The following EVI5 variants were observed in gnomAD, a reference collection of about 807,000 sequenced individuals.
The protein encoded by EVI5 is ecotropic viral integration site 5 protein homolog.
In EVI5, 73 loss-of-function variants were observed where a neutral mutation model predicts 112.0. The ratio of observed to expected loss-of-function variants is 0.65; its 90% CI spans 0.54 to 0.79. The LOEUF is 0.79. EVI5 is among the 30% of genes least tolerant of loss of function. EVI5 has a pLI of 0.00. For missense variants in EVI5, 900 were observed against 968.8 expected (o/e 0.93, Z 0.94); for synonymous variants, 305 against 319.9 (o/e 0.95, Z 0.50).
chr1:92,772,837 T>C (rs573633324), intron 1 of EVI5, among the ~76,000 whole-genome samples: 73 of 113,076 alleles, frequency 6.5e-4, no homozygotes, highest in African/African-American at 2.4e-3. Flanking sequence ...ACCTGGGAGG[T>C]GGAGGTTGTA....
At chr1:92,733,553 G>A (rs1002312916) in intron 2 of EVI5, among the ~76,000 whole-genome samples, 2 of 151,310 alleles carry the variant, frequency 1.3e-5, no homozygotes, top group South Asian at 2.1e-4. Flanking sequence ...CTACAGGCAC[G>A]CGCCACCACA....
At chr1:92,768,045 A>G (rs4847336) in intron 1 of EVI5, among the ~76,000 whole-genome samples, 85,080 of 149,028 alleles carry the variant, frequency 0.57, 25,995 homozygotes, top group East Asian at 0.92. Context: ...ACACCACTGC[A>G]CTCCAACCTG....
chr1:92,539,504 C>T (rs191097944), intron 19 of EVI5, among the ~76,000 whole-genome samples: 8 of 146,080 alleles, frequency 5.5e-5, no homozygotes, highest in Admixed American at 2.1e-4. Context: ...GATCATGCCA[C>T]TGTGCTGCAG....
At chr1:92,596,817 G>A (rs1648012250) in intron 18 of EVI5, among the ~76,000 whole-genome samples, 1 of 152,100 alleles carries the variant, frequency 6.6e-6, no homozygotes, top group Admixed American at 6.5e-5. Flanking sequence ...TATATATTCA[G>A]TATCTGAGGT....
intron 18 of EVI5, among the ~76,000 whole-genome samples, chr1:92,581,305 G>A (rs1671896997): frequency 6.6e-6 from 1 of 152,182 alleles, no homozygotes. Context: ...ACCTAGTTGG[G>A]GGAATATATC....
intron 2 of EVI5, among the ~76,000 whole-genome samples, chr1:92,708,463 TAACA>T (rs1355852988): frequency 1.3e-5 from 2 of 152,020 alleles, no homozygotes; most frequent in Non-Finnish European, 2.9e-5. Flanking sequence ...AGATGACAAA[TAACA>T]AACAGTTAAG....
chr1:92,539,268 C>T (rs1449477613), intron 19 of EVI5, among the ~76,000 whole-genome samples: 2 of 152,136 alleles, frequency 1.3e-5, no homozygotes, highest in African/African-American at 4.8e-5. Context: ...CCCGGCCGGG[C>T]GCAGTGGCTC....
chr1:92,613,441 G>T (rs1332940077), intron 16 of EVI5, among the ~76,000 whole-genome samples: 3 of 152,118 alleles, frequency 2.0e-5, no homozygotes, highest in African/African-American at 7.2e-5. Flanking sequence ...TGTGATTACA[G>T]GCATACAGCA....
chr1:92,584,382 T>C (rs1031143027), intron 18 of EVI5, among the ~76,000 whole-genome samples: 1 of 152,158 alleles, frequency 6.6e-6, no homozygotes, highest in Non-Finnish European at 1.5e-5. Flanking sequence ...AACGCACATA[T>C]GAAGCAAAAT....
intron 18 of EVI5, among the ~76,000 whole-genome samples, chr1:92,590,849 AG>A (rs1389379993): frequency 1.3e-5 from 2 of 152,248 alleles, no homozygotes; most frequent in African/African-American, 4.8e-5. Context: ...AAAAATGTTA[AG>A]GGCAGCCAGA....
intron 8 of EVI5, 130 bp downstream of exon 8, chr1:92,694,169 G>GT (rs1336992462): frequency 1.6e-5 from 10 of 629,586 alleles, no homozygotes; most frequent in African/African-American, 1.3e-4. Flanking sequence ...GGCTGAAGCG[G>GT]TAGGAGGATC....
At chr1:92,598,517 A>T (rs1213233788) in intron 18 of EVI5, among the ~76,000 whole-genome samples, 1 of 152,210 alleles carries the variant, frequency 6.6e-6, no homozygotes. Flanking sequence ...CCAAAGAGAA[A>T]GTCATGGAGG....
At chr1:92,723,584 C>T (rs148422494) in intron 2 of EVI5, among the ~76,000 whole-genome samples, 216 of 152,214 alleles carry the variant, frequency 1.4e-3, no homozygotes, top group African/African-American at 4.9e-3. Context: ...CTGTTATCTT[C>T]GTAAACTGAG....
chr1:92,591,472 A>G (rs927808346), intron 18 of EVI5, among the ~76,000 whole-genome samples: 1 of 152,216 alleles, frequency 6.6e-6, no homozygotes, highest in African/African-American at 2.4e-5. Context: ...CTAGTTTCCA[A>G]TAAAACAGAC....
At chr1:92,562,978 C>T (rs2100897029) in intron 19 of EVI5, among the ~76,000 whole-genome samples, 1 of 152,044 alleles carries the variant, frequency 6.6e-6, no homozygotes, top group South Asian at 2.1e-4. Context: ...AGTGTTTAGC[C>T]AAATATTATC....
chr1:92,663,405 A>G lies in EVI5; in HGVS notation c.1245+15T>C, dbSNP rs1264068969. 1 of 1,378,324 alleles carries G rather than the reference A, an allele frequency of 7.3e-7. No homozygotes were observed. The highest frequency in any genetic ancestry group is 1.5e-5 in the South Asian group (1 of 67,972). 85.4% of individuals were successfully genotyped at this position (1,378,324 alleles called of 1,614,324 possible). A position where few individuals can be genotyped will look rare whatever the true frequency, so the allele number is the denominator to read the frequency against. On this transcript the variant is annotated intron_variant, in intron 12 of 19. Coordinates refer to ENST00000684568, the MANE Select transcript of EVI5 (RefSeq NM_001350197.2). ...GAAGATGTTTTAAAAAACTAAAACA[A>G]AACAAAAACTATACCTGTATCAATC...
intron 16 of EVI5, among the ~76,000 whole-genome samples, chr1:92,613,567 G>A (rs1052678889): frequency 6.6e-6 from 1 of 151,980 alleles, no homozygotes; most frequent in Non-Finnish European, 1.5e-5. Context: ...TGGGATTACA[G>A]GCGTGAGCCA....
At chr1:92,681,889 C>G (rs1439827312) in intron 9 of EVI5, among the ~76,000 whole-genome samples, 1 of 152,148 alleles carries the variant, frequency 6.6e-6, no homozygotes, top group African/African-American at 2.4e-5. Context: ...TGGCATTGCT[C>G]TAAATACCCC....
chr1:92,615,875 T>C (rs1327692266), intron 16 of EVI5, among the ~76,000 whole-genome samples: 15 of 152,136 alleles, frequency 9.9e-5, no homozygotes, highest in Non-Finnish European at 2.1e-4. Context: ...CTCTAATTTA[T>C]ATAAACAGAA....
Sources: allele counts gnomAD v4.1 joint callset (sites outside exome capture counted in the v4.1 genomes callset), GRCh38; gene constraint gnomAD v4.1.1; transcripts MANE v1.5; gene names NCBI Gene and HGNC (gene_info 2026-07-23, HGNC 2026-07-21).